MEF2C: variants seen among roughly 807,000 people sequenced by gnomAD.
MEF2C encodes the protein myocyte-specific enhancer factor 2C.
A neutral mutation model predicts 50.5 loss-of-function variants in MEF2C; 6 were observed. The observed-to-expected ratio is 0.12, with a 90% CI of 0.07 to 0.23. The LOEUF (loss-of-function observed/expected upper bound fraction) is 0.23, where lower values mean the gene tolerates loss of function less well. Ranked by LOEUF, MEF2C falls within the 10% of genes least tolerant of loss-of-function variation. MEF2C has a pLI of 1.00. For synonymous variants in MEF2C, 183 were observed against 228.0 expected, an observed-to-expected ratio of 0.80 and a Z score of 1.78; for missense variants, 276 against 605.0, an observed-to-expected ratio of 0.46 and a Z score of 5.70.
At position 88,749,554 on chromosome 5, in the gene MEF2C, A is replaced by G. The variant is rs575125616; in HGVS notation, c.590-437T>C. Reference sequence around the variant, plus strand: ...AATTGTCCAGAAATTTGATCGTTTCATGAATCTACCCACATTTACTACTAA... The same window carrying G: ...AATTGTCCAGAAATTTGATCGTTTCGTGAATCTACCCACATTTACTACTAA... On this transcript the variant is annotated intron_variant, in intron 5 of 10. Coordinates refer to ENST00000504921, the MANE Select transcript of MEF2C (RefSeq NM_002397.5). The G allele has an allele frequency of 7.5e-6, 7 of 938,470 alleles. No homozygotes were observed. The South Asian group carries it at 2.5e-4, about 33-fold the overall frequency. The allele number at this position is 938,470 out of a possible 1,614,324, so 58.1% of individuals were successfully genotyped here. A position where few individuals can be genotyped will look rare whatever the true frequency, so the allele number is the denominator to read the frequency against.
At chr5:88,877,440 G>A (rs1831412261) in intron 1 of MEF2C, among the ~76,000 whole-genome samples, 1 of 151,922 alleles carries the variant, frequency 6.6e-6, no homozygotes, top group South Asian at 2.1e-4. Flanking sequence ...ATAGGAATAT[G>A]ATTTTTTGCA....
chr5:88,776,691 G>A (rs1409236805), intron 3 of MEF2C, among the ~76,000 whole-genome samples: 2 of 152,224 alleles, frequency 1.3e-5, no homozygotes, highest in African/African-American at 4.8e-5. Flanking sequence ...GTGAAAAAGA[G>A]AGAATTTGAA....
chr5:88,854,121 T>A (rs1822384930), intron 1 of MEF2C, among the ~76,000 whole-genome samples: 1 of 152,212 alleles, frequency 6.6e-6, no homozygotes, highest in Admixed American at 6.5e-5. Context: ...TGCAGCTATA[T>A]AAGAACCATA....
chr5:88,760,875 CTATT>C, intron 4 of MEF2C: 1 of 1,170,098 alleles, frequency 8.5e-7, no homozygotes, highest in Non-Finnish European at 1.2e-6. Context: ...GATGAGATGG[CTATT>C]TATCTGTTTG....
At chr5:88,780,807 T>A (rs1243733669) in intron 3 of MEF2C, 2 of 985,324 alleles carry the variant, frequency 2.0e-6, no homozygotes, top group African/African-American at 3.5e-5. Flanking sequence ...GCTAATTACT[T>A]CCATTGTCTT....
chr5:88,782,687 C>T (rs1044383761), intron 3 of MEF2C, among the ~76,000 whole-genome samples: 3 of 152,094 alleles, frequency 2.0e-5, no homozygotes, highest in African/African-American at 7.2e-5. Flanking sequence ...AGCTTTCAGG[C>T]TTTTTAGCAC....
At chr5:88,820,075 TTATA>T (rs10554644) in intron 2 of MEF2C, among the ~76,000 whole-genome samples, 19 of 150,370 alleles carry the variant, frequency 1.3e-4, no homozygotes, top group African/African-American at 4.1e-4. Context: ...TTATTTGTAA[TTATA>T]TATATATATA....
chr5:88,739,746 GAA>G lies in MEF2C; in HGVS notation c.638-7847_638-7846del, dbSNP rs966714773. On this transcript the variant is annotated intron_variant, in intron 6 of 10. Transcript: ENST00000504921. The stretch of plus-strand genomic sequence containing the variant: ...TTTGTTTTTATTTTTATTTTTTTGA[GAA>G]AAAAAGATATTTTACATTGAATAGC... 38 of 984,350 alleles carry G rather than the reference GAA, an allele frequency of 3.9e-5. No individual in the cohort carries two copies. The African/African-American group carries it at 5.8e-4, about 15-fold the overall frequency. The allele number at this position is 984,350 out of a possible 1,614,324, so 61.0% of individuals were successfully genotyped here.
chr5:88,744,203 A>AT (rs2152443061), intron 6 of MEF2C: 1 of 716,772 alleles, frequency 1.4e-6, no homozygotes, highest in Non-Finnish European at 1.6e-6. Flanking sequence ...TCTAATGACT[A>AT]CAAACAACCG....
chr5:88,780,936 G>A, intron 3 of MEF2C: 2 of 985,222 alleles, frequency 2.0e-6, no homozygotes, highest in Non-Finnish European at 2.4e-6. Flanking sequence ...GGGACACCAG[G>A]AAATAAATTA....
intron 4 of MEF2C, among the ~76,000 whole-genome samples, chr5:88,757,476 C>T (rs1775898292): frequency 6.6e-6 from 1 of 152,054 alleles, no homozygotes; most frequent in Non-Finnish European, 1.5e-5. Flanking sequence ...TATCTAAATT[C>T]CCTCAAGGCT....
chr5:88,859,072 A>G (rs1824550905), intron 1 of MEF2C, among the ~76,000 whole-genome samples: 1 of 152,230 alleles, frequency 6.6e-6, no homozygotes, highest in African/African-American at 2.4e-5. Flanking sequence ...CTTGAACTAT[A>G]TAATTGTTAT....
chr5:88,785,598 A>C (rs1290862593), intron 3 of MEF2C: 1 of 152,166 alleles, frequency 6.6e-6, no homozygotes, highest in African/African-American at 2.4e-5. Flanking sequence ...TCTTGCTGTG[A>C]AACTCCTTAA....
At chr5:88,862,560 C>G (rs1032712447) in intron 1 of MEF2C, among the ~76,000 whole-genome samples, 1 of 151,896 alleles carries the variant, frequency 6.6e-6, no homozygotes, top group Non-Finnish European at 1.5e-5. Context: ...AAAAAAAACC[C>G]GAGAAATAAC....
intron 5 of MEF2C, 147 bp downstream of exon 5, chr5:88,751,710 A>C: frequency 9.4e-7 from 1 of 1,064,242 alleles, no homozygotes; most frequent in Non-Finnish European, 1.3e-6. Context: ...TCTATCATGC[A>C]GGAGACCTAG....
chr5:88,730,144 A>G, intron 8 of MEF2C, 67 bp downstream of exon 8: 2 of 1,513,902 alleles, frequency 1.3e-6, no homozygotes, highest in Non-Finnish European at 1.8e-6. Context: ...AATTTTATCA[A>G]AGCTACCACC....
intron 1 of MEF2C, among the ~76,000 whole-genome samples, chr5:88,862,990 T>C (rs1332980782): frequency 2.0e-5 from 3 of 152,196 alleles, no homozygotes; most frequent in South Asian, 2.1e-4. Context: ...GTTGAGAATA[T>C]GGCAGGCCAT....
chr5:88,830,389 T>G (rs892859397), intron 1 of MEF2C, among the ~76,000 whole-genome samples: 1 of 152,038 alleles, frequency 6.6e-6, no homozygotes, highest in Non-Finnish European at 1.5e-5. Context: ...TAAGTGGGCC[T>G]AACCTGCCAT....
chr5:88,733,045 C>T (rs1339431709), intron 6 of MEF2C: 48 of 979,686 alleles, frequency 4.9e-5, no homozygotes, highest in Non-Finnish European at 8.5e-6. Context: ...CCAATACATA[C>T]TCATGGAAAA....
Sources: gnomAD v4.1 joint callset for allele counts (sites outside exome capture counted in the v4.1 genomes callset) on GRCh38, gnomAD v4.1.1 for gene constraint, MANE v1.5 for transcripts, NCBI Gene and HGNC (gene_info 2026-07-23, HGNC 2026-07-21) for gene names.